FHIT: variants seen among roughly 807,000 people sequenced by gnomAD.
FHIT encodes the protein bis(5'-adenosyl)-triphosphatase.
FHIT carries 19 observed loss-of-function variants against 17.9 expected under a neutral mutation model. That is an observed-to-expected ratio of 1.06 (90% CI 0.74 to 1.56). The LOEUF is 1.56. FHIT is among the 40% of genes most tolerant of loss of function. The pLI is 0.00. For missense variants in FHIT, 248 were observed against 189.2 expected (o/e 1.31, Z -1.82); for synonymous variants, 81 against 69.7 (o/e 1.16, Z -0.81).
chr3:61,038,142 A>C (rs138267218), intron 3 of FHIT, among the ~76,000 whole-genome samples: 1 of 152,370 alleles, frequency 6.6e-6, no homozygotes, highest in African/African-American at 2.4e-5. Flanking sequence ...GGAACTTTAA[A>C]ATGGAATAGT....
intron 8 of FHIT, among the ~76,000 whole-genome samples, chr3:59,792,008 CTTGGTTTTAA>C (rs1699584184): frequency 2.9e-5 from 2 of 68,762 alleles, no homozygotes; most frequent in Admixed American, 3.6e-4. Flanking sequence ...TAGTCTATGT[CTTGGTTTTAA>C]TCATGGCTAT....
chr3:60,279,128 G>A (rs1707306637), intron 5 of FHIT, among the ~76,000 whole-genome samples: 2 of 151,986 alleles, frequency 1.3e-5, no homozygotes, highest in Non-Finnish European at 2.9e-5. Flanking sequence ...CAATAAAATT[G>A]CTAAACCTCT....
intron 5 of FHIT, among the ~76,000 whole-genome samples, chr3:60,310,405 G>A (rs1708886529): frequency 1.3e-5 from 2 of 152,274 alleles, no homozygotes; most frequent in East Asian, 3.9e-4. Context: ...TTGGGTGGAG[G>A]TCAAGAAAAG....
chr3:60,252,365 G>A (rs972915882), intron 5 of FHIT, among the ~76,000 whole-genome samples: 8 of 151,964 alleles, frequency 5.3e-5, no homozygotes, highest in African/African-American at 9.7e-5. Context: ...GCAACATAGC[G>A]AAACCCCGTC....
At chr3:60,980,426 A>G (rs1459584922) in intron 3 of FHIT, among the ~76,000 whole-genome samples, 1 of 152,210 alleles carries the variant, frequency 6.6e-6, no homozygotes, top group Non-Finnish European at 1.5e-5. Context: ...GTGAGTTGAG[A>G]GGCAGGAGCA....
chr3:60,498,413 T>G (rs1292257538), intron 5 of FHIT, among the ~76,000 whole-genome samples: 1 of 152,232 alleles, frequency 6.6e-6, no homozygotes, highest in East Asian at 1.9e-4. Context: ...TTTACTAGTT[T>G]AAATTATGCT....
At chr3:61,220,915 C>A (rs1285711127) in intron 1 of FHIT, among the ~76,000 whole-genome samples, 1 of 152,224 alleles carries the variant, frequency 6.6e-6, no homozygotes, top group East Asian at 1.9e-4. Context: ...CACAACACGA[C>A]ATGCCCTTGC....
chr3:59,856,350 G>A (rs1702156551), intron 8 of FHIT, among the ~76,000 whole-genome samples: 1 of 152,078 alleles, frequency 6.6e-6, no homozygotes, highest in Non-Finnish European at 1.5e-5. Flanking sequence ...CATCACACCA[G>A]GTGATTTTAC....
At chr3:60,598,826 T>A (rs1462500610) in intron 4 of FHIT, among the ~76,000 whole-genome samples, 1 of 152,132 alleles carries the variant, frequency 6.6e-6, no homozygotes, top group Non-Finnish European at 1.5e-5. Context: ...TGAGAGAAGT[T>A]TGTGCAATTC....
chr3:60,077,740 G>T (rs796366257), intron 5 of FHIT, among the ~76,000 whole-genome samples: 14 of 46,964 alleles, frequency 3.0e-4, no homozygotes, highest in African/African-American at 6.9e-4. Context: ...ATATATAGAG[G>T]GGGGGGGGAG....
chr3:60,904,516 A>T, intron 3 of FHIT, among the ~76,000 whole-genome samples: 1 of 152,144 alleles, frequency 6.6e-6, no homozygotes, highest in Non-Finnish European at 1.5e-5. Context: ...TGAGAATTTC[A>T]ATTACCTGAA....
chr3:61,224,501 C>T (rs914654902), intron 1 of FHIT, among the ~76,000 whole-genome samples: 1 of 152,196 alleles, frequency 6.6e-6, no homozygotes, highest in South Asian at 2.1e-4. Context: ...ACTCTGCCTC[C>T]CGGGTTCAAG....
At chr3:61,091,408 T>C (rs1406109373) in intron 2 of FHIT, among the ~76,000 whole-genome samples, 1 of 152,164 alleles carries the variant, frequency 6.6e-6, no homozygotes, top group Non-Finnish European at 1.5e-5. Flanking sequence ...TGGGAGCATA[T>C]ATCAATATCT....
At chr3:60,092,782 G>T (rs1310246160) in intron 5 of FHIT, among the ~76,000 whole-genome samples, 2 of 152,152 alleles carry the variant, frequency 1.3e-5, no homozygotes, top group Non-Finnish European at 2.9e-5. Flanking sequence ...GTGAGCAAAA[G>T]AACTCTGTAA....
intron 5 of FHIT, among the ~76,000 whole-genome samples, chr3:60,137,813 G>C (rs761801386): frequency 9.2e-5 from 14 of 152,150 alleles, no homozygotes; most frequent in Non-Finnish European, 1.9e-4. Context: ...ATGATAAAAA[G>C]AAAGTGACAA....
intron 8 of FHIT, among the ~76,000 whole-genome samples, chr3:59,765,119 G>A (rs557436181): frequency 2.0e-5 from 3 of 152,230 alleles, no homozygotes; most frequent in African/African-American, 7.2e-5. Context: ...ATATTATAGA[G>A]AGTTATAACT....
chr3:60,654,525 G>T (rs899198935), intron 4 of FHIT, among the ~76,000 whole-genome samples: 1 of 151,552 alleles, frequency 6.6e-6, no homozygotes, highest in Non-Finnish European at 1.5e-5. Flanking sequence ...TATTATTGAG[G>T]TATATACTCA....
intron 7 of FHIT, among the ~76,000 whole-genome samples, chr3:59,935,911 A>G (rs1706213741): frequency 6.6e-6 from 1 of 152,202 alleles, no homozygotes; most frequent in East Asian, 1.9e-4. Flanking sequence ...GCATACAAAG[A>G]TATGGTCTAT....
Position 60,174,995 on chromosome 3 carries a change from TA to T in FHIT, c.104-160844del, listed in dbSNP as rs770539821. 7.9e-5 allele frequency among the ~76,000 whole-genome samples: 12 copies of T among 152,184 alleles called. No individual in the cohort carries two copies. The South Asian group carries it at 2.1e-3, about 26-fold the overall frequency. ...TAGGTTGACTGTGTGAACGAAAGGA[TA>T]GGGGTGGATAATGATTAAACCACCA... is the stretch of plus-strand genomic sequence containing the variant. On this transcript the variant is annotated intron_variant, in intron 5 of 9. Coordinates refer to ENST00000492590, the MANE Select transcript of FHIT (RefSeq NM_002012.4).
Sources: allele counts gnomAD v4.1 joint callset (sites outside exome capture counted in the v4.1 genomes callset), GRCh38; gene constraint gnomAD v4.1.1; transcripts MANE v1.5; gene names NCBI Gene and HGNC (gene_info 2026-07-23, HGNC 2026-07-21).